The following TENM3 variants were observed in gnomAD, a reference collection of about 807,000 sequenced individuals.
The protein encoded by TENM3 is teneurin-3.
In TENM3, 63 loss-of-function variants were observed where a neutral mutation model predicts 255.1. The ratio of observed to expected loss-of-function variants is 0.25; its 90% CI spans 0.20 to 0.30. TENM3 has a LOEUF of 0.30. Among genes scored for constraint, TENM3 ranks in the 10% least tolerant of loss-of-function variants. The pLI is 1.00. For synonymous variants in TENM3, 1,306 were observed against 1,322.3 expected (o/e 0.99, Z 0.27); for missense variants, 2,929 against 3,461.1 (o/e 0.85, Z 3.86).
chr4:182,546,458 G>C (rs970949282), intron 3 of TENM3, among the ~76,000 whole-genome samples: 3 of 151,480 alleles, frequency 2.0e-5, no homozygotes, highest in African/African-American at 7.3e-5. Flanking sequence ...GTTTTTTTTA[G>C]AGTCAGGGAC....
At chr4:182,521,582 G>A (rs1448591090) in intron 3 of TENM3, among the ~76,000 whole-genome samples, 1 of 149,784 alleles carries the variant, frequency 6.7e-6, no homozygotes, top group Admixed American at 6.7e-5. Flanking sequence ...CAAATGGGGG[G>A]GTCGCTAAGA....
the TENM3 span, among the ~76,000 whole-genome samples, chr4:181,620,363 C>T: frequency 1.3e-4 from 20 of 152,088 alleles, no homozygotes; most frequent in African/African-American, 9.7e-5. Flanking sequence ...TACCCAAATT[C>T]GCACACACTC....
chr4:182,512,817 G>A (rs1317440548), intron 3 of TENM3, among the ~76,000 whole-genome samples: 1 of 152,084 alleles, frequency 6.6e-6, no homozygotes, highest in African/African-American at 2.4e-5. Context: ...CTTTAGGGTG[G>A]CAGTAAAATT....
chr4:182,658,168 A>C (rs1212956210), intron 6 of TENM3, among the ~76,000 whole-genome samples: 2 of 152,026 alleles, frequency 1.3e-5, no homozygotes, highest in African/African-American at 4.8e-5. Flanking sequence ...ATTCTTTATC[A>C]TGTTTGAGTT....
At chr4:181,910,218 A>G in the TENM3 span, among the ~76,000 whole-genome samples, 1 of 152,124 alleles carries the variant, frequency 6.6e-6, no homozygotes, top group Non-Finnish European at 1.5e-5. Flanking sequence ...TTTCTTATTT[A>G]TACCTTATAA....
chr4:181,550,891 C>T, the TENM3 span, among the ~76,000 whole-genome samples: 11 of 152,242 alleles, frequency 7.2e-5, no homozygotes, highest in East Asian at 2.1e-3. Flanking sequence ...CTGCAAACTA[C>T]CCATACTTTA....
At chr4:181,861,062 G>A in the TENM3 span, among the ~76,000 whole-genome samples, 34 of 152,258 alleles carry the variant, frequency 2.2e-4, no homozygotes, top group East Asian at 9.6e-4. Context: ...ATCATCCAGC[G>A]GTATCTTTCT....
At chr4:182,083,913 C>G in the TENM3 span, among the ~76,000 whole-genome samples, 38 of 151,990 alleles carry the variant, frequency 2.5e-4, no homozygotes, top group Non-Finnish European at 5.3e-4. Context: ...GAGCTGTGCT[C>G]TCTTACAGAG....
At position 182,669,264 on chromosome 4, in the gene TENM3, CG is replaced by C. The variant is rs538189226; in HGVS notation, c.1112-3740del. Among the ~76,000 whole-genome samples the C allele has an allele frequency of 6.5e-3, 843 of 130,352 alleles. 5 individuals carry two copies. Among genetic ancestry groups the C allele is most frequent in the African/African-American group, 0.022 (766 of 35,586 alleles). 85.5% of individuals were successfully genotyped at this position (130,352 alleles called of 152,430 possible). A position where few individuals can be genotyped will look rare whatever the true frequency, so the allele number is the denominator to read the frequency against. On this transcript the variant is annotated intron_variant, in intron 6 of 27. Transcript: ENST00000511685. Reference sequence around the variant, plus strand: ...GTATTATATTATAATATCCATGTCACGTTTTTTTTGTTTTTGTTTTTGTGAG... The same window carrying C: ...GTATTATATTATAATATCCATGTCACTTTTTTTTGTTTTTGTTTTTGTGAG...
the TENM3 span, among the ~76,000 whole-genome samples, chr4:181,524,698 A>G: frequency 6.6e-6 from 1 of 152,154 alleles, no homozygotes. Flanking sequence ...ATAAATAATG[A>G]AACAGAACAG....
At chr4:181,887,390 A>C in the TENM3 span, among the ~76,000 whole-genome samples, 2 of 152,332 alleles carry the variant, frequency 1.3e-5, no homozygotes, top group East Asian at 3.9e-4. Context: ...TCTAATGACT[A>C]TTTCCAATTT....
At chr4:182,244,355 T>A (rs1264718585) in intron 1 of TENM3, among the ~76,000 whole-genome samples, 1 of 152,166 alleles carries the variant, frequency 6.6e-6, no homozygotes, top group East Asian at 1.9e-4. Flanking sequence ...TGAGCTGATT[T>A]AGTGTTCTGA....
chr4:182,508,609 G>A (rs1169263919), intron 3 of TENM3, among the ~76,000 whole-genome samples: 2 of 152,160 alleles, frequency 1.3e-5, no homozygotes, highest in Admixed American at 6.5e-5. Context: ...TCTTCTGATA[G>A]ATGCATATTA....
the TENM3 span, among the ~76,000 whole-genome samples, chr4:181,810,332 C>T: frequency 6.6e-6 from 1 of 152,154 alleles, no homozygotes; most frequent in Non-Finnish European, 1.5e-5. Flanking sequence ...GCAAAAGAAA[C>T]AGGCAAGCAG....
chr4:181,876,362 C>T, the TENM3 span, among the ~76,000 whole-genome samples: 9 of 152,222 alleles, frequency 5.9e-5, no homozygotes, highest in African/African-American at 2.2e-4. Flanking sequence ...ATGGGGAACA[C>T]CTTTCATTAA....
chr4:182,785,216 A>T (rs1765545734), intron 24 of TENM3, among the ~76,000 whole-genome samples: 1 of 151,578 alleles, frequency 6.6e-6, no homozygotes, highest in African/African-American at 2.4e-5. Context: ...AGCTGGGACT[A>T]CAGGCACCTC....
chr4:182,658,110 C>T (rs1444819561), intron 6 of TENM3, among the ~76,000 whole-genome samples: 1 of 152,224 alleles, frequency 6.6e-6, no homozygotes, highest in Non-Finnish European at 1.5e-5. Context: ...AAACTGATGT[C>T]TCCAGAGTTA....
At chr4:181,780,506 GT>G in the TENM3 span, among the ~76,000 whole-genome samples, 1 of 152,076 alleles carries the variant, frequency 6.6e-6, no homozygotes. Flanking sequence ...TTGTAAATTT[GT>G]TTGAGTTATT....
the TENM3 span, among the ~76,000 whole-genome samples, chr4:182,104,830 G>A: frequency 2.0e-5 from 3 of 152,076 alleles, no homozygotes; most frequent in Middle Eastern, 3.4e-3. Context: ...GTAATTTTTT[G>A]TTGTTGTAGG....
Sources: gnomAD v4.1 joint callset for allele counts (sites outside exome capture counted in the v4.1 genomes callset) on GRCh38, gnomAD v4.1.1 for gene constraint, MANE v1.5 for transcripts, NCBI Gene and HGNC (gene_info 2026-07-23, HGNC 2026-07-21) for gene names.